SLC15A3: variants seen among roughly 807,000 people sequenced by gnomAD.
The protein encoded by SLC15A3 is solute carrier family 15 member 3.
A neutral mutation model predicts 49.2 loss-of-function variants in SLC15A3; 39 were observed. The observed-to-expected ratio is 0.79, with a 90% CI of 0.61 to 1.04. The LOEUF (loss-of-function observed/expected upper bound fraction) is 1.04, where lower values mean the gene tolerates loss of function less well. SLC15A3 is among the 50% of genes least tolerant of loss of function. SLC15A3 has a pLI of 0.00. For missense variants in SLC15A3, 758 were observed against 794.8 expected (o/e 0.95, Z 0.56); for synonymous variants, 339 against 367.0 (o/e 0.92, Z 0.87).
Position 60,943,798 on chromosome 11 carries a change from G to A in SLC15A3, c.887C>T (p.Ser296Phe). The A allele has an allele frequency of 6.2e-7, 1 of 1,601,568 alleles. No homozygotes were observed. Among genetic ancestry groups the A allele is most frequent in the Non-Finnish European group, 8.5e-7 (1 of 1,173,344 alleles). Residue 296 changes from serine to phenylalanine, a missense_variant, in exon 3 of 8, where the codon TCT (serine) becomes TTT (phenylalanine). Physicochemically the swap from Ser to Phe is radical, Grantham distance 155. This residue lies in a region of SLC15A3 where 699 missense variants were observed against 706.7 expected (regional missense o/e 0.99). Transcript: ENST00000227880. The stretch of plus-strand genomic sequence containing the variant: ...TTGCGGGGAAGCCCCTGGCTGGGGA[G>A]ACCTCTCGTCGGCCAGCACGCGGGC... ...QCARVLADER[S>F]PQPGASPQED...
chr11:60,942,938 TCACACACACACACACACACA>T (rs10536589), intron 3 of SLC15A3: 11,086 of 146,672 alleles, frequency 0.076, 702 homozygotes, highest in East Asian at 0.17. Flanking sequence ...CACCCTCCTA[TCACACACACACACACACACA>T]CACACACACA....
chr11:60,944,761 C>G (rs917258655), intron 2 of SLC15A3, among the ~76,000 whole-genome samples: 1 of 152,166 alleles, frequency 6.6e-6, no homozygotes, highest in South Asian at 2.1e-4. Context: ...CCCTCCATGA[C>G]AAGGCATAGA....
intron 7 of SLC15A3, 133 bp downstream of exon 7, chr11:60,937,737 G>A (rs961574207): frequency 6.4e-6 from 8 of 1,242,914 alleles, no homozygotes; most frequent in Non-Finnish European, 8.8e-6. Flanking sequence ...GCCAAGCCCG[G>A]GCTAGAACCC....
chr11:60,948,622 G>A (rs369146148), intron 1 of SLC15A3, among the ~76,000 whole-genome samples: 20 of 150,738 alleles, frequency 1.3e-4, no homozygotes, highest in African/African-American at 3.9e-4. Flanking sequence ...CACTGCAGCC[G>A]GAGCCATTTT....
At chr11:60,937,425 C>A in intron 7 of SLC15A3, 52 bp from the exon 8 acceptor site, 3 of 1,606,364 alleles carry the variant, frequency 1.9e-6, no homozygotes, top group South Asian at 2.2e-5. Context: ...CTCTGTCTTG[C>A]GCCCTGTGCC....
intron 6 of SLC15A3, 22 bp from the exon 7 acceptor site, chr11:60,938,047 G>T (rs532774434): frequency 1.2e-6 from 2 of 1,611,128 alleles, no homozygotes; most frequent in East Asian, 4.5e-5. Flanking sequence ...GAGCAGAGAC[G>T]ATCTCAGGGG....
chr11:60,945,757 C>T (rs1024712230), intron 2 of SLC15A3, among the ~76,000 whole-genome samples: 49 of 152,246 alleles, frequency 3.2e-4, no homozygotes, highest in Middle Eastern at 3.4e-3. Flanking sequence ...GAGGAGGGAG[C>T]GAGTTTGGCC....
intron 5 of SLC15A3, chr11:60,940,785 G>C (rs1856696959): frequency 5.7e-6 from 1 of 174,050 alleles, no homozygotes; most frequent in South Asian, 1.9e-4. Context: ...TTGCCACTAA[G>C]TGGAAAATTC....
At position 60,951,269 on chromosome 11, in the gene SLC15A3, C is replaced by T; in HGVS notation, c.283G>A (p.Asp95Asn). The change falls in exon 1 of 8, where the codon GAC becomes AAC. Residue 95 changes from aspartate (D) to asparagine (N), a missense_variant. By Grantham distance (23) the Asp-to-Asn change is conservative. Transcript: ENST00000227880. ...GCGCGGTAGCGGCCCAGGTACACGTCGGCCAGCCAGCCGCCCACGGGCGCC... is the reference window on the plus strand; with the variant it reads ...GCGCGGTAGCGGCCCAGGTACACGTTGGCCAGCCAGCCGCCCACGGGCGCC... ...LLAPVGGWLA[D>N]VYLGRYRAVA... 6.6e-7 allele frequency: 1 copy of T among 1,514,860 alleles called. No individual in the cohort carries two copies. The highest frequency in any genetic ancestry group is 8.8e-7 in the Non-Finnish European group (1 of 1,134,084). 93.8% of individuals were successfully genotyped at this position (1,514,860 alleles called of 1,614,324 possible).
Position 60,951,328 on chromosome 11 carries a change from G to C in SLC15A3, c.224C>G (p.Ala75Gly). Residue 75 changes from alanine to glycine, a missense_variant, in exon 1 of 8, where the codon GCC (alanine) becomes GGC (glycine). By Grantham distance (60) the Ala-to-Gly change is moderately conservative. This residue lies in a region of SLC15A3 where 699 missense variants were observed against 706.7 expected (regional missense o/e 0.99). Coordinates refer to ENST00000227880, the MANE Select transcript of SLC15A3 (RefSeq NM_016582.3). The part of the protein sequence containing the change: ...FNWTGEQATR[A>G]ALVFLGASYL... ...GGAGGCGCCCAGGAATACCAGCGCG[G>C]CGCGCGTCGCCTGCTCGCCGGTCCA... 1 of 1,535,604 alleles carries C rather than the reference G, an allele frequency of 6.5e-7. No homozygotes were observed. The highest frequency in any genetic ancestry group is 1.2e-5 in the South Asian group (1 of 82,390).
At chr11:60,947,402 A>T (rs1173582175) in intron 1 of SLC15A3, among the ~76,000 whole-genome samples, 2 of 152,108 alleles carry the variant, frequency 1.3e-5, no homozygotes, top group Admixed American at 1.3e-4. Context: ...GATGGTCTCG[A>T]TCTCCTGACC....
chr11:60,950,556 G>A (rs1856895911), intron 1 of SLC15A3, among the ~76,000 whole-genome samples: 1 of 152,028 alleles, frequency 6.6e-6, no homozygotes, highest in East Asian at 1.9e-4. Flanking sequence ...GGGAGGCCTA[G>A]GCAGGTGGAT....
intron 1 of SLC15A3, among the ~76,000 whole-genome samples, chr11:60,947,604 G>A (rs546905401): frequency 6.6e-4 from 100 of 152,318 alleles, no homozygotes; most frequent in African/African-American, 2.3e-3. Context: ...CTGCAGTTCG[G>A]AGAGGCAAGC....
At chr11:60,948,561 G>A (rs1286648901) in intron 1 of SLC15A3, among the ~76,000 whole-genome samples, 2 of 125,984 alleles carry the variant, frequency 1.6e-5, no homozygotes, top group African/African-American at 3.0e-5. Context: ...TTCTGCAGCC[G>A]CTTCCTGCCT....
intron 5 of SLC15A3, 156 bp from the exon 6 acceptor site, chr11:60,939,794 G>A (rs1856684309): frequency 2.4e-6 from 2 of 821,568 alleles, no homozygotes; most frequent in South Asian, 3.7e-5. Context: ...GTGGAGGAGG[G>A]GGCCAAGATG....
Position 60,946,826 on chromosome 11 carries a change from C to T in SLC15A3, c.559-5G>A. 1 of 1,605,348 alleles carries T rather than the reference C, an allele frequency of 6.2e-7. No individual in the cohort carries two copies. The highest frequency in any genetic ancestry group is 8.5e-7 in the Non-Finnish European group (1 of 1,177,298). On this transcript the variant is annotated splice_region_variant and splice_polypyrimidine_tract_variant and intron_variant, in intron 1 of 7. Coordinates refer to ENST00000227880, the MANE Select transcript of SLC15A3 (RefSeq NM_016582.3). ...GTCGCGGCCGAGATCCATCACCTGC[C>T]ATTCAGGAAGGGGTGACAGTGAGGG...
chr11:60,939,337 G>A (rs1251264463), intron 6 of SLC15A3, 143 bp downstream of exon 6: 3 of 957,506 alleles, frequency 3.1e-6, no homozygotes, highest in Non-Finnish European at 4.7e-6. Context: ...ACCCCCGTTG[G>A]GTGAATGAGC....
chr11:60,940,685 C>T (rs1293790992), intron 5 of SLC15A3: 2 of 153,950 alleles, frequency 1.3e-5, no homozygotes, highest in African/African-American at 4.8e-5. Flanking sequence ...TGATCCCCCC[C>T]ACTGCCCCCA....
intron 3 of SLC15A3, chr11:60,942,921 T>G (rs1416712958): frequency 6.6e-6 from 1 of 151,410 alleles, no homozygotes; most frequent in East Asian, 1.9e-4. Context: ...AGCATTAAGC[T>G]GCTGCCCACC....
Sources: allele counts gnomAD v4.1 joint callset (sites outside exome capture counted in the v4.1 genomes callset), GRCh38; gene constraint gnomAD v4.1.1; regional missense constraint gnomAD v4.1.1; transcripts MANE v1.5; gene names NCBI Gene and HGNC (gene_info 2026-07-23, HGNC 2026-07-21).